The following ZNF346 variants were observed in gnomAD, a reference collection of about 807,000 sequenced individuals.
The protein encoded by ZNF346 is double-stranded RNA-binding zinc finger protein JAZ.
ZNF346 carries 23 observed loss-of-function variants against 33.7 expected under a neutral mutation model. The ratio of observed to expected loss-of-function variants is 0.68; its 90% CI spans 0.49 to 0.97. The LOEUF (loss-of-function observed/expected upper bound fraction) is 0.97, where lower values mean the gene tolerates loss of function less well. Among genes scored for constraint, ZNF346 ranks in the 50% least tolerant of loss-of-function variants. The probability of loss-of-function intolerance (pLI) is 0.00; values close to 1 mark genes in which losing one functional copy is unlikely to be tolerated. For synonymous variants in ZNF346, 134 were observed against 142.4 expected, an observed-to-expected ratio of 0.94 and a Z score of 0.42; for missense variants, 340 against 371.1, an observed-to-expected ratio of 0.92 and a Z score of 0.69.
chr5:177,044,547 T>A lies in ZNF346; in HGVS notation c.517+14T>A. 1.2e-6 allele frequency: 2 copies of A among 1,613,088 alleles called. No homozygotes were observed. The highest frequency in any genetic ancestry group is 4.5e-5 in the East Asian group (2 of 44,884). On this transcript the variant is annotated intron_variant, in intron 4 of 6. Transcript: ENST00000358149. ...CTAAGGTGGAAGGTACTGGTTTTCCTGAGTAGTGCTATAGTGGGACCCCTG... is the reference window on the plus strand; with the variant it reads ...CTAAGGTGGAAGGTACTGGTTTTCCAGAGTAGTGCTATAGTGGGACCCCTG...
chr5:177,057,817 T>TTTGC (rs1781932087), intron 5 of ZNF346, among the ~76,000 whole-genome samples: 1 of 49,838 alleles, frequency 2.0e-5, no homozygotes, highest in African/African-American at 6.9e-5. Flanking sequence ...TATTTATTTA[T>TTTGC]TTATTTATTT....
At chr5:177,042,010 C>T in intron 3 of ZNF346, 140 bp downstream of exon 3, 1 of 538,064 alleles carries the variant, frequency 1.9e-6, no homozygotes, top group Non-Finnish European at 3.4e-6. Flanking sequence ...CTTCACAAAG[C>T]CTTGATTTCT....
intron 1 of ZNF346, among the ~76,000 whole-genome samples, chr5:177,037,925 C>A (rs1044247155): frequency 5.3e-5 from 8 of 152,068 alleles, no homozygotes; most frequent in Non-Finnish European, 1.0e-4. Context: ...TCCTACCATT[C>A]TTCTCTCATT....
chr5:177,056,925 A>T (rs1268083701), intron 5 of ZNF346, among the ~76,000 whole-genome samples: 1 of 152,238 alleles, frequency 6.6e-6, no homozygotes, highest in Admixed American at 6.5e-5. Context: ...AAAATAAATT[A>T]AAAATAAAAA....
In ZNF346 at chr5:177,028,707, C is replaced by CTTTTTTTTT. The variant is rs56172509; in HGVS notation, c.175+5814_175+5822dup. On this transcript the variant is annotated intron_variant, in intron 1 of 6. Coordinates refer to ENST00000358149, the MANE Select transcript of ZNF346 (RefSeq NM_012279.4). ...TTTGTTATTTATAACAAGCCCCTTTCTTTTTTTTTTTTTTTTTTTTTTTTT... is the reference window on the plus strand; with the variant it reads ...TTTGTTATTTATAACAAGCCCCTTTCTTTTTTTTTTTTTTTTTTTTTTTTTTTTTTTTTT... Among the ~76,000 whole-genome samples, 60 of 67,398 alleles carry CTTTTTTTTT rather than the reference C, an allele frequency of 8.9e-4. 4 individuals are homozygous for CTTTTTTTTT. Among genetic ancestry groups the CTTTTTTTTT allele is most frequent in the Middle Eastern group, 0.01 (1 of 100 alleles). The allele number at this position is 67,398 out of a possible 152,430, so 44.2% of individuals were successfully genotyped here.
chr5:177,078,966 G>A (rs1004633786), intron 8 of ZNF346, among the ~76,000 whole-genome samples: 57 of 151,188 alleles, frequency 3.8e-4, no homozygotes, highest in African/African-American at 1.4e-3. Context: ...GGTTAGATCC[G>A]TAGTTTAAAG....
chr5:177,062,768 A>T (rs1048825477), intron 6 of ZNF346, among the ~76,000 whole-genome samples: 1 of 152,216 alleles, frequency 6.6e-6, no homozygotes, highest in African/African-American at 2.4e-5. Flanking sequence ...TGCAGGCCAT[A>T]TGTCAAGCAG....
chr5:177,027,198 G>T (rs939116726), intron 1 of ZNF346, among the ~76,000 whole-genome samples: 3 of 151,478 alleles, frequency 2.0e-5, no homozygotes, highest in Admixed American at 1.3e-4. Flanking sequence ...GATTACAGGC[G>T]CCTGCCAGCA....
chr5:177,028,707 CTTTTTTT>C (rs56172509), intron 1 of ZNF346, among the ~76,000 whole-genome samples: 1 of 67,396 alleles, frequency 1.5e-5, no homozygotes, highest in Non-Finnish European at 2.9e-5. Flanking sequence ...AAGCCCCTTT[CTTTTTTT>C]TTTTTTTTTT....
At chr5:177,044,217 A>T in intron 3 of ZNF346, 172 bp from the exon 4 acceptor site, 3 of 652,182 alleles carry the variant, frequency 4.6e-6, no homozygotes, top group Non-Finnish European at 7.8e-6. Context: ...AAAGTGGGGG[A>T]TGGTGAGTAG....
chr5:177,037,820 T>C (rs561782470), intron 1 of ZNF346, among the ~76,000 whole-genome samples: 38 of 152,292 alleles, frequency 2.5e-4, no homozygotes, highest in African/African-American at 9.1e-4. Context: ...CTCATTACAC[T>C]AACAATAAAA....
chr5:177,054,301 G>A (rs1781375455), intron 5 of ZNF346, among the ~76,000 whole-genome samples: 1 of 151,574 alleles, frequency 6.6e-6, no homozygotes, highest in Non-Finnish European at 1.5e-5. Flanking sequence ...GAATTCCTGG[G>A]CTCAAGCGAT....
chr5:177,057,130 G>A (rs1191056036), intron 5 of ZNF346, among the ~76,000 whole-genome samples: 1 of 150,576 alleles, frequency 6.6e-6, no homozygotes, highest in Non-Finnish European at 1.5e-5. Flanking sequence ...GGCCAAACTG[G>A]TGAAACCCCA....
At chr5:177,031,271 T>C (rs944525473) in intron 1 of ZNF346, among the ~76,000 whole-genome samples, 1 of 152,132 alleles carries the variant, frequency 6.6e-6, no homozygotes, top group African/African-American at 2.4e-5. Flanking sequence ...CAACCTCAGG[T>C]GATCTGCCGC....
rs1399905378 is a variant in ZNF346, at chr5:177,055,380, T to C, written c.703+4444T>C. On this transcript the variant is annotated intron_variant, in intron 5 of 6. Coordinates refer to ENST00000358149, the MANE Select transcript of ZNF346 (RefSeq NM_012279.4). ...AGACTTCATATAGCTATCTCTGAAA[T>C]TTTGGGCACTAAAAGAACTTGAGAA... Among the ~76,000 whole-genome samples, 6 of 149,246 alleles carry C rather than the reference T, an allele frequency of 4.0e-5. No individual in the cohort carries two copies. In the East Asian group the frequency reaches 9.6e-4, roughly 24 times the overall value.
chr5:177,036,424 G>T (rs1778521614), intron 1 of ZNF346, among the ~76,000 whole-genome samples: 1 of 152,132 alleles, frequency 6.6e-6, no homozygotes, highest in Non-Finnish European at 1.5e-5. Context: ...TAAACACCTG[G>T]AGCCTATAAG....
chr5:177,075,772 T>G (rs1783719966), intron 8 of ZNF346, among the ~76,000 whole-genome samples: 1 of 152,122 alleles, frequency 6.6e-6, no homozygotes, highest in Non-Finnish European at 1.5e-5. Flanking sequence ...CTGCAAACTC[T>G]GCCTCCTGGG....
At chr5:177,072,819 A>C (rs1783568997), downstream of ZNF346, among the ~76,000 whole-genome samples, 2 of 145,838 alleles carry the variant, frequency 1.4e-5, no homozygotes, top group South Asian at 4.2e-4. Flanking sequence ...ACTGTACTCC[A>C]GATAAGGAGA....
chr5:177,043,817 T>C (rs1251092254), intron 3 of ZNF346, among the ~76,000 whole-genome samples: 7 of 151,518 alleles, frequency 4.6e-5, no homozygotes, highest in Admixed American at 2.0e-4. Context: ...GCATCTACTG[T>C]GTGCCAGACT....
Sources: gnomAD v4.1 joint callset for allele counts (sites outside exome capture counted in the v4.1 genomes callset) on GRCh38, gnomAD v4.1.1 for gene constraint, MANE v1.5 for transcripts, NCBI Gene and HGNC (gene_info 2026-07-23, HGNC 2026-07-21) for gene names.